ADAM9: variants seen among roughly 807,000 people sequenced by gnomAD.
The protein encoded by ADAM9 is ADAM metallopeptidase domain 9, also known as disintegrin and metalloproteinase domain-containing protein 9.
In ADAM9, 54 loss-of-function variants were observed where a neutral mutation model predicts 108.1. The observed-to-expected ratio is 0.50, with a 90% CI of 0.40 to 0.63. The LOEUF (loss-of-function observed/expected upper bound fraction) is 0.63. Ranked by LOEUF, ADAM9 falls within the 20% of genes least tolerant of loss-of-function variation. The pLI is 0.00. For missense variants in ADAM9, 830 were observed against 997.7 expected (o/e 0.83, Z 2.26); for synonymous variants, 316 against 336.0 (o/e 0.94, Z 0.65).
chr8:39,055,529 T>A, intron 13 of ADAM9, 48 bp from the exon 14 acceptor site: 1 of 1,571,742 alleles, frequency 6.4e-7, no homozygotes, highest in South Asian at 1.1e-5. Context: ...GATTAATTTG[T>A]GGACATTATC....
At chr8:39,089,929 A>G (rs1839294868) in intron 18 of ADAM9, 118 bp from the exon 19 acceptor site, 11 of 1,115,754 alleles carry the variant, frequency 9.9e-6, no homozygotes, top group Non-Finnish European at 1.4e-5. Context: ...AATATATTCA[A>G]TTAATATCAG....
rs1837473933 is a variant in ADAM9 at position 39,042,135 on chromosome 8, CT to C, written c.1302+22del. The C allele has an allele frequency of 3.7e-6, 6 of 1,613,846 alleles. No individual in the cohort carries two copies. The highest frequency in any genetic ancestry group is 4.2e-6 in the Non-Finnish European group (5 of 1,179,764). ...CTCCAAAGGTCAGTTTAATTTTTGA[CT>C]TTTGCCTTGTAAAATTGCCATGATA... On this transcript the variant is annotated intron_variant, in intron 12 of 21. Coordinates refer to ENST00000487273, the MANE Select transcript of ADAM9 (RefSeq NM_003816.3).
At chr8:39,091,668 A>G (rs1453653555) in intron 20 of ADAM9, among the ~76,000 whole-genome samples, 5 of 151,936 alleles carry the variant, frequency 3.3e-5, no homozygotes, top group African/African-American at 1.2e-4. Flanking sequence ...TGTATTTTTC[A>G]TAGAGACGGG....
At chr8:39,052,554 C>G (rs959418979) in intron 12 of ADAM9, among the ~76,000 whole-genome samples, 1 of 151,818 alleles carries the variant, frequency 6.6e-6, no homozygotes, top group African/African-American at 2.4e-5. Context: ...TCATCATAGC[C>G]CCTCTACAAA....
intron 11 of ADAM9, among the ~76,000 whole-genome samples, chr8:39,031,748 TCAG>T (rs1193657133): frequency 6.6e-6 from 1 of 152,236 alleles, no homozygotes; most frequent in Non-Finnish European, 1.5e-5. Flanking sequence ...TTTAGAATTT[TCAG>T]CTTTTCTGCT....
chr8:39,030,619 C>T (rs977458398), intron 11 of ADAM9, among the ~76,000 whole-genome samples: 8 of 152,168 alleles, frequency 5.3e-5, no homozygotes, highest in Admixed American at 1.3e-4. Flanking sequence ...CCAAGGGATG[C>T]GATTGCTGGA....
At chr8:39,044,390 CAT>C (rs781742888) in intron 12 of ADAM9, among the ~76,000 whole-genome samples, 13 of 152,138 alleles carry the variant, frequency 8.5e-5, no homozygotes, top group Non-Finnish European at 1.6e-4. Flanking sequence ...CAGGTGATCT[CAT>C]ATGTGTGGGT....
chr8:39,092,256 CG>C, intron 20 of ADAM9, among the ~76,000 whole-genome samples: 1 of 151,786 alleles, frequency 6.6e-6, no homozygotes, highest in East Asian at 1.9e-4. Context: ...TTATCTCTAT[CG>C]ATAGATATAG....
chr8:39,011,735 T>G lies in ADAM9; in HGVS notation c.254+19T>G, dbSNP rs777588861. ...GGAACAAGTAAGACATTTAATTTAT[T>G]TTGGCTTTTCAGTAATGTTTTTCCA... On this transcript the variant is annotated intron_variant, in intron 3 of 21. Coordinates refer to ENST00000487273, the MANE Select transcript of ADAM9 (RefSeq NM_003816.3). The G allele has an allele frequency of 3.1e-6, 5 of 1,601,564 alleles. No individual in the cohort carries two copies. Among genetic ancestry groups the G allele is most frequent in the Non-Finnish European group, 4.3e-6 (5 of 1,168,734 alleles).
chr8:39,096,756 C>G (rs141812656), intron 20 of ADAM9, among the ~76,000 whole-genome samples: 1 of 152,128 alleles, frequency 6.6e-6, no homozygotes, highest in Non-Finnish European at 1.5e-5. Context: ...TCTGCCTCAT[C>G]ATGTTTGTTG....
intron 15 of ADAM9, 55 bp downstream of exon 15, chr8:39,071,458 CTAG>C: frequency 1.3e-6 from 1 of 778,514 alleles, no homozygotes; most frequent in Non-Finnish European, 2.1e-6. Context: ...TCCGTCATCT[CTAG>C]TATCTTTTTT....
intron 11 of ADAM9, among the ~76,000 whole-genome samples, chr8:39,033,479 T>A (rs1215148825): frequency 6.6e-6 from 1 of 152,036 alleles, no homozygotes; most frequent in African/African-American, 2.4e-5. Context: ...ATTTTTTTTT[T>A]AGCATTGACA....
intron 16 of ADAM9, among the ~76,000 whole-genome samples, chr8:39,080,839 T>C (rs995003397): frequency 6.6e-6 from 1 of 152,010 alleles, no homozygotes; most frequent in Non-Finnish European, 1.5e-5. Context: ...AGAAGTCCTA[T>C]AGTCAAGTTT....
chr8:39,054,602 GAAAAAAAA>G (rs755442483), intron 13 of ADAM9, 29 bp downstream of exon 13: 6 of 946,042 alleles, frequency 6.3e-6, no homozygotes, highest in South Asian at 4.7e-5. Flanking sequence ...TTGGAAACAG[GAAAAAAAA>G]AAAAAAAAAA....
intron 15 of ADAM9, among the ~76,000 whole-genome samples, chr8:39,073,118 A>G (rs1325737402): frequency 3.3e-5 from 5 of 152,214 alleles, no homozygotes; most frequent in Non-Finnish European, 7.3e-5. Context: ...TAAATGTTCC[A>G]TGTATAATTG....
intron 1 of ADAM9, among the ~76,000 whole-genome samples, chr8:39,002,887 G>A (rs576428229): frequency 3.3e-5 from 5 of 151,940 alleles, no homozygotes; most frequent in African/African-American, 1.2e-4. Context: ...GCCCAGGCTG[G>A]AGTGCAGTGG....
intron 14 of ADAM9, among the ~76,000 whole-genome samples, chr8:39,063,122 G>A (rs768144418): frequency 2.0e-5 from 3 of 152,100 alleles, no homozygotes; most frequent in Non-Finnish European, 2.9e-5. Flanking sequence ...ATTATCTCAC[G>A]CCCTTAATAT....
chr8:39,021,585 T>TA, intron 7 of ADAM9, 58 bp from the exon 8 acceptor site: 1 of 1,509,238 alleles, frequency 6.6e-7, no homozygotes, highest in Non-Finnish European at 9.2e-7. Flanking sequence ...CACCCGGCCT[T>TA]ACATTTCTAT....
chr8:39,052,032 G>A (rs1837975066), intron 12 of ADAM9, among the ~76,000 whole-genome samples: 1 of 151,996 alleles, frequency 6.6e-6, no homozygotes, highest in East Asian at 1.9e-4. Context: ...TAGAATTATT[G>A]TATCTAAAAG....
Sources: gnomAD v4.1 joint callset for allele counts (sites outside exome capture counted in the v4.1 genomes callset) on GRCh38, gnomAD v4.1.1 for gene constraint, MANE v1.5 for transcripts, NCBI Gene and HGNC (gene_info 2026-07-23, HGNC 2026-07-21) for gene names.